The following LMNB1 variants were observed in gnomAD, a reference collection of about 807,000 sequenced individuals.
The protein encoded by LMNB1 is lamin-B1.
LMNB1 carries 23 observed loss-of-function variants against 67.1 expected under a neutral mutation model. The observed-to-expected ratio is 0.34, with a 90% CI of 0.25 to 0.49. The LOEUF (loss-of-function observed/expected upper bound fraction) is 0.49, where lower values mean the gene tolerates loss of function less well. Among genes scored for constraint, LMNB1 ranks in the 20% least tolerant of loss-of-function variants. The probability of loss-of-function intolerance (pLI) is 0.99; values close to 1 mark genes in which losing one functional copy is unlikely to be tolerated. For missense variants in LMNB1, 634 were observed against 746.5 expected, an observed-to-expected ratio of 0.85 and a Z score of 1.76; for synonymous variants, 281 against 282.9, an observed-to-expected ratio of 0.99 and a Z score of 0.07.
intron 9 of LMNB1, 70 bp downstream of exon 9, chr5:126,826,177 G>T (rs571427841): frequency 2.0e-6 from 3 of 1,520,510 alleles, no homozygotes; most frequent in African/African-American, 2.8e-5. Flanking sequence ...GTATAATCAA[G>T]ATCAGATTGA....
Position 126,810,203 on chromosome 5 carries a change from G to T in LMNB1, c.666G>T (p.Lys222Asn). Residue 222 changes from lysine (K) to asparagine (N), a missense_variant, in exon 4 of 11, where the codon AAG becomes AAT. Coordinates refer to ENST00000261366, the MANE Select transcript of LMNB1 (RefSeq NM_005573.4). Reference protein sequence around the residue: ...YEEEINETRRKHETRLVEVDS... With the variant: ...YEEEINETRRNHETRLVEVDS... ...AGGAGATTAACGAGACCAGAAGGAA[G>T]CATGAAACGCGCTTGGTAGAGGTGG... 6.2e-7 allele frequency: 1 copy of T among 1,613,010 alleles called. No individual in the cohort carries two copies. The highest frequency in any genetic ancestry group is 8.5e-7 in the Non-Finnish European group (1 of 1,179,090).
At chr5:126,778,524 T>C (rs1439260555) in intron 1 of LMNB1, among the ~76,000 whole-genome samples, 2 of 152,150 alleles carry the variant, frequency 1.3e-5, no homozygotes, top group African/African-American at 4.8e-5. Flanking sequence ...TCCGTGCGCC[T>C]CCAGCCAGCC....
Position 126,811,764 on chromosome 5 carries a change from T to C in LMNB1, c.814-9T>C. The C allele has an allele frequency of 6.3e-7, 1 of 1,598,904 alleles. No individual in the cohort carries two copies. On this transcript the variant is annotated splice_polypyrimidine_tract_variant and intron_variant, in intron 4 of 10. Transcript: ENST00000261366. Reference sequence around the variant, plus strand: ...GATAAGACTGACTATGCTTTGCTTCTTCTTTTAGCTTGAGAATGCCAGACT... The same window carrying C: ...GATAAGACTGACTATGCTTTGCTTCCTCTTTTAGCTTGAGAATGCCAGACT...
At chr5:126,802,079 A>AT (rs925808339) in intron 1 of LMNB1, among the ~76,000 whole-genome samples, 38 of 152,024 alleles carry the variant, frequency 2.5e-4, no homozygotes, top group African/African-American at 8.4e-4. Context: ...ACAGTATGGG[A>AT]TTTTTTTTAA....
intron 1 of LMNB1, among the ~76,000 whole-genome samples, chr5:126,783,186 C>T (rs1233441777): frequency 1.3e-5 from 2 of 151,870 alleles, no homozygotes; most frequent in East Asian, 1.9e-4. Flanking sequence ...GGCGACAGAG[C>T]GAGACTCTGT....
intron 1 of LMNB1, among the ~76,000 whole-genome samples, chr5:126,781,071 C>T (rs1329934170): frequency 6.6e-6 from 1 of 152,140 alleles, no homozygotes; most frequent in Non-Finnish European, 1.5e-5. Flanking sequence ...GGTGGATCAC[C>T]TGAAGTCAGG....
rs1176029868 is a variant in LMNB1, at chr5:126,782,085, TTAAA to T, written c.359+4219_359+4222del. On this transcript the variant is annotated intron_variant, in intron 1 of 10. Transcript: ENST00000261366. ...ATGATGAATGCCATCACTCAACACT[TTAAA>T]CAAAAAGTACAGAGAAATTGACTTG... Among the ~76,000 whole-genome samples, 5 of 152,180 alleles carry T rather than the reference TTAAA, an allele frequency of 3.3e-5. 1 individual carries two copies. Among genetic ancestry groups the T allele is most frequent in the Non-Finnish European group, 5.9e-5 (4 of 68,030 alleles).
intron 1 of LMNB1, among the ~76,000 whole-genome samples, chr5:126,786,112 C>CTTTTTTTTTTTT (rs70997312): frequency 3.7e-5 from 4 of 106,670 alleles, no homozygotes; most frequent in Non-Finnish European, 7.3e-5. Context: ...CAGACATTAT[C>CTTTTTTTTTTTT]TTTTTTTTTT....
chr5:126,806,188 C>A, intron 3 of LMNB1, among the ~76,000 whole-genome samples: 1 of 152,302 alleles, frequency 6.6e-6, no homozygotes, highest in East Asian at 1.9e-4. Context: ...CTCCTGACCT[C>A]GTGATCCGCC....
Position 126,836,608 on chromosome 5 carries a change from G to A in LMNB1, c.*344G>A. On this transcript the variant is annotated 3_prime_UTR_variant, in exon 11 of 11. Transcript: ENST00000261366. ...GGTAAATAAACCACTGTGCGTCTTG[G>A]TGTAATTTGAAGATTGCCCCATCTA... 1 of 352,618 alleles carries A rather than the reference G, an allele frequency of 2.8e-6. No homozygotes were observed. The highest frequency in any genetic ancestry group is 5.0e-6 in the Non-Finnish European group (1 of 199,526). 21.8% of individuals were successfully genotyped at this position (352,618 alleles called of 1,614,324 possible).
At chr5:126,797,748 C>A (rs1438920584) in intron 1 of LMNB1, among the ~76,000 whole-genome samples, 4 of 152,126 alleles carry the variant, frequency 2.6e-5, no homozygotes, top group Non-Finnish European at 5.9e-5. Context: ...GCATGGCTCC[C>A]CATGTATCCT....
At chr5:126,814,050 C>T (rs2126721485) in intron 5 of LMNB1, among the ~76,000 whole-genome samples, 1 of 152,264 alleles carries the variant, frequency 6.6e-6, no homozygotes, top group South Asian at 2.1e-4. Flanking sequence ...CATGCACCAC[C>T]ACACCCTGCT....
Position 126,805,672 on chromosome 5 carries a change from G to A in LMNB1, c.618G>A (p.Glu206=). The change falls in exon 3 of 11, where the codon GAG becomes GAA. Residue 206 remains glutamate, a synonymous_variant. Transcript: ENST00000261366. ...NRCQSLTEDL[E]FRKSMYEEEI... ...GTCAGAGCCTTACTGAGGACTTGGA[G>A]TTTCGCAAAAGCATGTATGAAGAGG... 6.2e-7 allele frequency: 1 copy of A among 1,611,930 alleles called. No homozygotes were observed. Among genetic ancestry groups the A allele is most frequent in the East Asian group, 2.2e-5 (1 of 44,842 alleles).
rs562987154 is a variant in LMNB1 at position 126,782,654 on chromosome 5, A to G, written c.359+4787A>G. Reference sequence around the variant, plus strand: ...AACCTCTGCCTCCTGGGTTCAAGCAATTCTTCTGCCTCAGCCTCCCAAGTA... The same window carrying G: ...AACCTCTGCCTCCTGGGTTCAAGCAGTTCTTCTGCCTCAGCCTCCCAAGTA... On this transcript the variant is annotated intron_variant, in intron 1 of 10. Transcript: ENST00000261366. Among the ~76,000 whole-genome samples the G allele has an allele frequency of 3.9e-5, 6 of 152,028 alleles. No homozygotes were observed. The East Asian group carries it at 9.7e-4, about 25-fold the overall frequency.
At position 126,804,946 on chromosome 5, in the gene LMNB1, T is replaced by C. The variant is rs1235312472; in HGVS notation, c.516+14T>C. Reference sequence around the variant, plus strand: ...CAGATTGCCCAGGTAAGGTCAAGCCTACTCTTGAGCCGTATGTGACAGGTT... The same window carrying C: ...CAGATTGCCCAGGTAAGGTCAAGCCCACTCTTGAGCCGTATGTGACAGGTT... On this transcript the variant is annotated intron_variant, in intron 2 of 10. Transcript: ENST00000261366. 1 of 1,612,058 alleles carries C rather than the reference T, an allele frequency of 6.2e-7. No homozygotes were observed. Among genetic ancestry groups the C allele is most frequent in the Admixed American group, 1.7e-5 (1 of 59,762 alleles).
At chr5:126,799,834 CAA>C (rs1751221480) in intron 1 of LMNB1, among the ~76,000 whole-genome samples, 1 of 152,150 alleles carries the variant, frequency 6.6e-6, no homozygotes, top group South Asian at 2.1e-4. Context: ...TTAGAAAAAG[CAA>C]AAGTGTGTTC....
At chr5:126,780,920 T>C (rs1337033081) in intron 1 of LMNB1, among the ~76,000 whole-genome samples, 1 of 152,224 alleles carries the variant, frequency 6.6e-6, no homozygotes, top group African/African-American at 2.4e-5. Flanking sequence ...TCATAATATC[T>C]ATCACATGAA....
At chr5:126,798,990 CTCTT>C (rs1363613415) in intron 1 of LMNB1, among the ~76,000 whole-genome samples, 4 of 150,404 alleles carry the variant, frequency 2.7e-5, no homozygotes, top group Non-Finnish European at 5.9e-5. Flanking sequence ...CAGTTCTTCT[CTCTT>C]TATTAGCCAC....
At position 126,804,950 on chromosome 5, in the gene LMNB1, C is replaced by T; in HGVS notation, c.516+18C>T. 1.2e-6 allele frequency: 2 copies of T among 1,611,018 alleles called. No individual in the cohort carries two copies. Among genetic ancestry groups the T allele is most frequent in the Non-Finnish European group, 1.7e-6 (2 of 1,178,162 alleles). On this transcript the variant is annotated intron_variant, in intron 2 of 10. Coordinates refer to ENST00000261366, the MANE Select transcript of LMNB1 (RefSeq NM_005573.4). Reference sequence around the variant, plus strand: ...TTGCCCAGGTAAGGTCAAGCCTACTCTTGAGCCGTATGTGACAGGTTAATT... The same window carrying T: ...TTGCCCAGGTAAGGTCAAGCCTACTTTTGAGCCGTATGTGACAGGTTAATT...
Sources: gnomAD v4.1 joint callset for allele counts (sites outside exome capture counted in the v4.1 genomes callset) on GRCh38, gnomAD v4.1.1 for gene constraint, MANE v1.5 for transcripts, NCBI Gene and HGNC (gene_info 2026-07-23, HGNC 2026-07-21) for gene names.